BNC2: variants seen among roughly 807,000 people sequenced by gnomAD.
The protein encoded by BNC2 is basonuclin zinc finger protein 2, also known as zinc finger protein basonuclin-2.
BNC2 carries 20 observed loss-of-function variants against 76.3 expected under a neutral mutation model. The ratio of observed to expected loss-of-function variants is 0.26; its 90% CI spans 0.18 to 0.38. The LOEUF (loss-of-function observed/expected upper bound fraction) is 0.38, where lower values mean the gene tolerates loss of function less well. BNC2 is among the 10% of genes least tolerant of loss of function. BNC2 has a pLI of 1.00. For missense variants in BNC2, 1,382 were observed against 1,399.8 expected (o/e 0.99, Z 0.20); for synonymous variants, 582 against 514.8 (o/e 1.13, Z -1.77).
intron 5 of BNC2, among the ~76,000 whole-genome samples, chr9:16,498,180 T>C (rs1341262115): frequency 7.9e-6 from 1 of 126,884 alleles, no homozygotes; most frequent in Non-Finnish European, 1.6e-5. Flanking sequence ...CTATCATATA[T>C]ATATTCCATC....
At chr9:16,834,370 T>C (rs1403526068) in intron 1 of BNC2, among the ~76,000 whole-genome samples, 4 of 152,208 alleles carry the variant, frequency 2.6e-5, no homozygotes, top group Non-Finnish European at 5.9e-5. Flanking sequence ...TCAATACTTT[T>C]GAAAACTGTA....
At chr9:16,843,807 G>C (rs1818893852) in intron 1 of BNC2, among the ~76,000 whole-genome samples, 1 of 152,182 alleles carries the variant, frequency 6.6e-6, no homozygotes, top group Non-Finnish European at 1.5e-5. Context: ...CAATTGAATA[G>C]TATTTGAAAA....
chr9:16,759,010 T>A (rs920351154), intron 1 of BNC2, among the ~76,000 whole-genome samples: 1 of 152,236 alleles, frequency 6.6e-6, no homozygotes, highest in African/African-American at 2.4e-5. Flanking sequence ...CTAAGGAAAT[T>A]TGTTCTGATT....
chr9:16,811,449 G>A (rs1236231672), intron 1 of BNC2, among the ~76,000 whole-genome samples: 1 of 150,584 alleles, frequency 6.6e-6, no homozygotes, highest in Non-Finnish European at 1.5e-5. Flanking sequence ...CTACTCAGGA[G>A]GCTGAGGCAG....
At chr9:16,616,781 G>GGAAGGAAGGAAGGA (rs1820711071) in intron 3 of BNC2, among the ~76,000 whole-genome samples, 3 of 52,804 alleles carry the variant, frequency 5.7e-5, no homozygotes, top group African/African-American at 1.9e-4. Context: ...GAGGGGAGGG[G>GGAAGGAAGGAAGGA]AGGAAGGAGG....
chr9:16,841,204 G>A (rs1818817375), intron 1 of BNC2, among the ~76,000 whole-genome samples: 1 of 152,150 alleles, frequency 6.6e-6, no homozygotes, highest in Non-Finnish European at 1.5e-5. Context: ...GCACTGTGCT[G>A]ATCCTTACCC....
intron 6 of BNC2, among the ~76,000 whole-genome samples, chr9:16,424,135 C>T (rs1269819999): frequency 6.6e-6 from 1 of 152,084 alleles, no homozygotes; most frequent in Non-Finnish European, 1.5e-5. Context: ...CCTTGGACTT[C>T]TCTTTTCTCA....
At chr9:16,659,573 A>G (rs1211621151) in intron 3 of BNC2, among the ~76,000 whole-genome samples, 2 of 144,616 alleles carry the variant, frequency 1.4e-5, no homozygotes, top group Middle Eastern at 3.7e-3. Context: ...GCACCACTGC[A>G]CTCCAGCCCG....
chr9:16,819,034 A>G (rs79333500), intron 1 of BNC2, among the ~76,000 whole-genome samples: 3,212 of 152,268 alleles, frequency 0.021, 113 homozygotes, highest in African/African-American at 0.072. Context: ...CAAGTAATCT[A>G]ACAAAAATTA....
At chr9:16,454,609 G>A (rs915856997) in intron 5 of BNC2, among the ~76,000 whole-genome samples, 20 of 152,034 alleles carry the variant, frequency 1.3e-4, no homozygotes, top group African/African-American at 4.6e-4. Context: ...CAATTTTTAT[G>A]AATTATGCTG....
At chr9:16,495,186 T>G (rs1163238595) in intron 5 of BNC2, among the ~76,000 whole-genome samples, 1 of 152,144 alleles carries the variant, frequency 6.6e-6, no homozygotes, top group Non-Finnish European at 1.5e-5. Context: ...CTATCTAAAT[T>G]ATTAGCAGAT....
chr9:16,793,761 G>C (rs1186628480), intron 1 of BNC2, among the ~76,000 whole-genome samples: 1 of 142,596 alleles, frequency 7.0e-6, no homozygotes, highest in African/African-American at 2.6e-5. Flanking sequence ...CGCCTCCCGG[G>C]TTCACGCCAT....
intron 5 of BNC2, among the ~76,000 whole-genome samples, chr9:16,479,263 AGAAAAG>A (rs1821995764): frequency 9.8e-6 from 1 of 101,680 alleles, no homozygotes; most frequent in African/African-American, 6.1e-5. Context: ...AAAAAAAAAA[AGAAAAG>A]AAAAGAAAAA....
intron 5 of BNC2, among the ~76,000 whole-genome samples, chr9:16,505,625 T>A (rs1178258561): frequency 6.6e-6 from 1 of 152,000 alleles, no homozygotes; most frequent in Non-Finnish European, 1.5e-5. Flanking sequence ...TAAAAGAAAA[T>A]AGTGCTTTAA....
At position 16,498,319 on chromosome 9, in the gene BNC2, T is replaced by C. The variant is rs917286988; in HGVS notation, c.669+54211A>G. On this transcript the variant is annotated intron_variant, in intron 5 of 6. Coordinates refer to ENST00000380672, the MANE Select transcript of BNC2 (RefSeq NM_017637.6). ...ATCATATATATATATGAATATATGA[T>C]GGAACACTACGCAGCCATAAAAAGG... Among the ~76,000 whole-genome samples, 80 of 145,466 alleles carry C rather than the reference T, an allele frequency of 5.5e-4. 1 individual carries two copies. Among genetic ancestry groups the C allele is most frequent in the Admixed American group, 6.2e-4 (9 of 14,626 alleles).
chr9:16,520,526 G>C (rs529075888), intron 5 of BNC2, among the ~76,000 whole-genome samples: 1 of 152,234 alleles, frequency 6.6e-6, no homozygotes, highest in African/African-American at 2.4e-5. Context: ...ACCTAAATCT[G>C]TCTTCTTCCT....
At chr9:16,570,968 A>T (rs1819306280) in intron 4 of BNC2, among the ~76,000 whole-genome samples, 1 of 152,324 alleles carries the variant, frequency 6.6e-6, no homozygotes, top group South Asian at 2.1e-4. Context: ...AGTAACCCTA[A>T]TTTCTAATTA....
intron 3 of BNC2, among the ~76,000 whole-genome samples, chr9:16,613,847 T>C (rs1820621230): frequency 6.6e-6 from 1 of 152,188 alleles, no homozygotes; most frequent in Admixed American, 6.5e-5. Context: ...CAAAATTTTC[T>C]GAGTTGTCTC....
intron 5 of BNC2, among the ~76,000 whole-genome samples, chr9:16,468,485 T>C (rs1821744873): frequency 6.6e-6 from 1 of 152,010 alleles, no homozygotes; most frequent in South Asian, 2.1e-4. Flanking sequence ...AACCTCTGCC[T>C]CCCAGGTTCA....
Sources: allele counts gnomAD v4.1 joint callset (sites outside exome capture counted in the v4.1 genomes callset), GRCh38; gene constraint gnomAD v4.1.1; transcripts MANE v1.5; gene names NCBI Gene and HGNC (gene_info 2026-07-23, HGNC 2026-07-21).